FAM168A: variants seen among roughly 807,000 people sequenced by gnomAD.
FAM168A encodes the protein protein FAM168A.
In FAM168A, 3 loss-of-function variants were observed where a neutral mutation model predicts 28.5. The observed-to-expected ratio is 0.11, with a 90% CI of 0.05 to 0.27. The LOEUF is 0.27. Among genes scored for constraint, FAM168A ranks in the 10% least tolerant of loss-of-function variants. The pLI is 1.00. For missense variants in FAM168A, 222 were observed against 311.5 expected, an observed-to-expected ratio of 0.71 and a Z score of 2.16; for synonymous variants, 122 against 124.2, an observed-to-expected ratio of 0.98 and a Z score of 0.12.
At chr11:73,518,784 A>C (rs200022413) in intron 1 of FAM168A, among the ~76,000 whole-genome samples, 2 of 152,056 alleles carry the variant, frequency 1.3e-5, no homozygotes, top group East Asian at 3.8e-4. Context: ...GTAGTCCCAG[A>C]TACTCAGGAG....
At chr11:73,429,096 T>C (rs902832142) in intron 3 of FAM168A, among the ~76,000 whole-genome samples, 1 of 152,204 alleles carries the variant, frequency 6.6e-6, no homozygotes, top group African/African-American at 2.4e-5. Context: ...GAGGTTCTGA[T>C]AGGTCAGGTG....
chr11:73,536,552 T>C (rs1439367413), intron 1 of FAM168A, among the ~76,000 whole-genome samples: 1 of 152,074 alleles, frequency 6.6e-6, no homozygotes, highest in Admixed American at 6.6e-5. Flanking sequence ...TTGGGCGTGG[T>C]GGTGCATGGC....
chr11:73,438,053 T>C (rs11602532), intron 2 of FAM168A, among the ~76,000 whole-genome samples: 6,726 of 152,198 alleles, frequency 0.044, 310 homozygotes, highest in Admixed American at 0.12. Context: ...AACAAGACTA[T>C]GGTGATTGTG....
At chr11:73,475,953 G>A (rs954005760) in intron 1 of FAM168A, among the ~76,000 whole-genome samples, 4 of 152,182 alleles carry the variant, frequency 2.6e-5, no homozygotes, top group Non-Finnish European at 5.9e-5. Context: ...CAGCTACTCT[G>A]AGGTCATACT....
intron 1 of FAM168A, among the ~76,000 whole-genome samples, chr11:73,550,710 A>G (rs1565294670): frequency 1.3e-5 from 2 of 152,072 alleles, no homozygotes; most frequent in East Asian, 3.9e-4. Context: ...GGAGGGTGAG[A>G]GGGTGTCCCA....
chr11:73,441,916 C>A (rs1465544062), intron 2 of FAM168A, among the ~76,000 whole-genome samples: 1 of 152,150 alleles, frequency 6.6e-6, no homozygotes, highest in Non-Finnish European at 1.5e-5. Flanking sequence ...CTTCATCAGC[C>A]TAGCTAAAGC....
At chr11:73,426,703 C>CTGTGTGTGTGTGTGTGTGTGTGTGTG (rs34499254) in intron 3 of FAM168A, among the ~76,000 whole-genome samples, 8 of 144,204 alleles carry the variant, frequency 5.5e-5, no homozygotes, top group African/African-American at 1.3e-4. Context: ...CCAAAATATG[C>CTGTGTGTGTGTGTGTGTGTGTGTGTG]TGTGTGTGTG....
intron 1 of FAM168A, among the ~76,000 whole-genome samples, chr11:73,477,506 C>T (rs1003699651): frequency 2.0e-5 from 3 of 152,034 alleles, no homozygotes; most frequent in Admixed American, 1.3e-4. Context: ...CAATCAACTT[C>T]AAGTTGGATA....
intron 1 of FAM168A, among the ~76,000 whole-genome samples, chr11:73,469,171 G>A (rs535770808): frequency 6.6e-6 from 1 of 152,172 alleles, no homozygotes; most frequent in Non-Finnish European, 1.5e-5. Flanking sequence ...TGTGCAATAA[G>A]TATCACCTGC....
chr11:73,578,953 T>C (rs2134731685), intron 1 of FAM168A, among the ~76,000 whole-genome samples: 1 of 152,338 alleles, frequency 6.6e-6, no homozygotes, highest in East Asian at 1.9e-4. Flanking sequence ...AACATTTATT[T>C]TTCACAGGTC....
At chr11:73,443,087 A>T (rs937386462) in intron 2 of FAM168A, among the ~76,000 whole-genome samples, 3 of 147,984 alleles carry the variant, frequency 2.0e-5, no homozygotes, top group Admixed American at 6.8e-5. Flanking sequence ...CAGGTTGCTA[A>T]AGTTCACTTT....
chr11:73,468,346 AT>A, intron 2 of FAM168A, 58 bp downstream of exon 2: 1 of 1,516,986 alleles, frequency 6.6e-7, no homozygotes, highest in Non-Finnish European at 9.1e-7. Flanking sequence ...GGAGCAAGTT[AT>A]TTGGTAATAT....
At chr11:73,578,091 G>C (rs1037347022) in intron 1 of FAM168A, among the ~76,000 whole-genome samples, 17 of 152,158 alleles carry the variant, frequency 1.1e-4, no homozygotes, top group Non-Finnish European at 2.1e-4. Flanking sequence ...TACTATGCAA[G>C]AGACATTATG....
chr11:73,448,799 C>T (rs11235759), intron 2 of FAM168A, among the ~76,000 whole-genome samples: 7,253 of 152,176 alleles, frequency 0.048, 545 homozygotes, highest in African/African-American at 0.16. Context: ...GAGGAAAAGG[C>T]CAAAGAATCA....
chr11:73,593,644 C>A (rs1944408362), intron 1 of FAM168A, among the ~76,000 whole-genome samples: 2 of 152,208 alleles, frequency 1.3e-5, no homozygotes, highest in Non-Finnish European at 2.9e-5. Flanking sequence ...ATTGGTAGGG[C>A]ACACAAGGCT....
At chr11:73,496,113 ACG>A (rs1483280591) in intron 1 of FAM168A, among the ~76,000 whole-genome samples, 2 of 152,148 alleles carry the variant, frequency 1.3e-5, no homozygotes, top group Non-Finnish European at 2.9e-5. Flanking sequence ...GCACCCACAC[ACG>A]CATGATGGAA....
chr11:73,522,068 A>G (rs948510714), intron 1 of FAM168A, among the ~76,000 whole-genome samples: 5 of 152,116 alleles, frequency 3.3e-5, no homozygotes, highest in African/African-American at 9.7e-5. Context: ...GCTTGCACTC[A>G]AGTTCTCTGA....
At chr11:73,485,393 T>C (rs955081942) in intron 1 of FAM168A, among the ~76,000 whole-genome samples, 1 of 152,224 alleles carries the variant, frequency 6.6e-6, no homozygotes, top group Non-Finnish European at 1.5e-5. Context: ...TGAGTTCTAC[T>C]TCCTTCAGAC....
intron 1 of FAM168A, among the ~76,000 whole-genome samples, chr11:73,571,326 A>G (rs192897809): frequency 6.8e-6 from 1 of 146,644 alleles, no homozygotes; most frequent in Admixed American, 7.1e-5. Context: ...CTGCCATCTC[A>G]GCTCACTGCA....
Sources: allele counts gnomAD v4.1 joint callset (sites outside exome capture counted in the v4.1 genomes callset), GRCh38; gene constraint gnomAD v4.1.1; transcripts MANE v1.5; gene names NCBI Gene and HGNC (gene_info 2026-07-23, HGNC 2026-07-21).